Variants in MAP3K9 observed in about 807,000 individuals in gnomAD.
MAP3K9 encodes the protein mitogen-activated protein kinase kinase kinase 9.
Under a neutral mutation model 95.8 loss-of-function variants are expected in MAP3K9, and 46 were observed. The observed-to-expected ratio is 0.48, with a 90% CI of 0.38 to 0.61. The LOEUF is 0.61. Ranked by LOEUF, MAP3K9 falls within the 20% of genes least tolerant of loss-of-function variation. The pLI is 0.00. For synonymous variants in MAP3K9, 533 were observed against 593.8 expected, an observed-to-expected ratio of 0.90 and a Z score of 1.49; for missense variants, 1,296 against 1,474.3, an observed-to-expected ratio of 0.88 and a Z score of 1.98.
chr14:70,733,480 G>C, intron 10 of MAP3K9, 138 bp from the exon 11 acceptor site: 1 of 606,026 alleles, frequency 1.7e-6, no homozygotes, highest in Non-Finnish European at 3.0e-6. Flanking sequence ...TGATGAGCAG[G>C]ACATGGAATT....
rs117102448 is a variant in MAP3K9 at position 70,734,642 on chromosome 14, C to A, written c.1914-144G>T. The A allele has an allele frequency of 2.6e-4, 156 of 607,038 alleles. 1 individual carries two copies. The East Asian group carries it at 4.1e-3, about 16-fold the overall frequency. 37.6% of individuals were successfully genotyped at this position (607,038 alleles called of 1,614,324 possible). A position where few individuals can be genotyped will look rare whatever the true frequency, so the allele number is the denominator to read the frequency against. ...GAGTACATACAGGCAATGACTCTTA[C>A]CAAGCCCACCTGCTTCACAAACAGA... On this transcript the variant is annotated intron_variant, in intron 9 of 11. Transcript: ENST00000554752.
intron 2 of MAP3K9, among the ~76,000 whole-genome samples, chr14:70,768,001 C>A (rs189389287): frequency 6.6e-6 from 1 of 152,168 alleles, no homozygotes; most frequent in Non-Finnish European, 1.5e-5. Context: ...CCAATTAGGA[C>A]ACCACCTATA....
chr14:70,792,457 C>T (rs1317049006), intron 2 of MAP3K9, among the ~76,000 whole-genome samples: 1 of 152,228 alleles, frequency 6.6e-6, no homozygotes, highest in East Asian at 1.9e-4. Context: ...AAGTCATTTA[C>T]TTACCTCTCA....
chr14:70,783,626 A>T (rs994118235), intron 2 of MAP3K9, among the ~76,000 whole-genome samples: 3 of 152,272 alleles, frequency 2.0e-5, no homozygotes, highest in African/African-American at 7.2e-5. Flanking sequence ...TTGGAGCTTC[A>T]AGGAATGAAC....
At chr14:70,799,100 A>T (rs2054899539) in intron 2 of MAP3K9, among the ~76,000 whole-genome samples, 2 of 152,310 alleles carry the variant, frequency 1.3e-5, no homozygotes, top group South Asian at 4.1e-4. Context: ...TCTAAAGGGA[A>T]ACATTATAGG....
At chr14:70,765,343 T>C (rs1358721888) in intron 2 of MAP3K9, 9 of 435,028 alleles carry the variant, frequency 2.1e-5, no homozygotes, top group Non-Finnish European at 3.7e-5. Context: ...AAAAGTTTTC[T>C]TTATAAATTT....
At chr14:70,730,958 C>G in intron 11 of MAP3K9, 94 bp from the exon 12 acceptor site, 1 of 1,318,880 alleles carries the variant, frequency 7.6e-7, no homozygotes, top group African/African-American at 1.4e-5. Context: ...CATATCCCTA[C>G]GCAATCAGGA....
At chr14:70,776,820 A>G (rs2054605227) in intron 2 of MAP3K9, among the ~76,000 whole-genome samples, 1 of 132,954 alleles carries the variant, frequency 7.5e-6, no homozygotes, top group African/African-American at 2.9e-5. Context: ...ACCCTGAACT[A>G]AAAGATCTCT....
At chr14:70,807,603 G>C (rs2055004148) in intron 1 of MAP3K9, among the ~76,000 whole-genome samples, 4 of 152,272 alleles carry the variant, frequency 2.6e-5, no homozygotes, top group Admixed American at 2.6e-4. Context: ...TTTAAAGTTG[G>C]TCCTTGCTAA....
intron 9 of MAP3K9, 30 bp from the exon 10 acceptor site, chr14:70,734,528 G>T: frequency 7.6e-7 from 1 of 1,309,118 alleles, no homozygotes; most frequent in Non-Finnish European, 1.1e-6. Context: ...GAAACTGTCA[G>T]AACTGGTTAC....
chr14:70,806,862 T>C (rs1335341748), intron 1 of MAP3K9, among the ~76,000 whole-genome samples: 1 of 152,194 alleles, frequency 6.6e-6, no homozygotes, highest in Non-Finnish European at 1.5e-5. Flanking sequence ...AATGACACTG[T>C]TTTCTAACAT....
intron 2 of MAP3K9, among the ~76,000 whole-genome samples, chr14:70,779,929 G>A (rs148235491): frequency 5.9e-5 from 9 of 152,352 alleles, no homozygotes; most frequent in African/African-American, 1.7e-4. Flanking sequence ...TAAGAATGAC[G>A]TCAGAGGAGA....
At chr14:70,740,195 A>G in intron 6 of MAP3K9, 31 bp from the exon 7 acceptor site, 1 of 1,594,476 alleles carries the variant, frequency 6.3e-7, no homozygotes, top group Non-Finnish European at 8.6e-7. Flanking sequence ...ACGTGTATGC[A>G]TTAACATTTC....
Position 70,789,478 on chromosome 14 carries a change from C to T in MAP3K9, c.820+11189G>A, listed in dbSNP as rs567557104. ...CAGTGCCATTTACTGAATGCAGTGC[C>T]TGTGTGATACTGACACATAATAGCT... is the stretch of plus-strand genomic sequence containing the variant. On this transcript the variant is annotated intron_variant, in intron 2 of 11. Transcript: ENST00000554752. Among the ~76,000 whole-genome samples the T allele has an allele frequency of 5.3e-5, 8 of 152,286 alleles. No homozygotes were observed. In the South Asian group the frequency reaches 1.7e-3, roughly 32 times the overall value.
rs2054010970 is a variant in MAP3K9 at position 70,738,141 on chromosome 14, A to T, written c.1844+104T>A. On this transcript the variant is annotated intron_variant, in intron 8 of 11. Coordinates refer to ENST00000554752, the MANE Select transcript of MAP3K9 (RefSeq NM_001284230.2). Reference sequence around the variant, plus strand: ...TCAAGAAGCTTGTAATTTCTCAGAAAGCAATCAAACACACGACAGAGAAAA... The same window carrying T: ...TCAAGAAGCTTGTAATTTCTCAGAATGCAATCAAACACACGACAGAGAAAA... 8.2e-6 allele frequency: 10 copies of T among 1,215,226 alleles called. No individual in the cohort carries two copies. The South Asian group carries it at 1.4e-4, about 17-fold the overall frequency. The allele number at this position is 1,215,226 out of a possible 1,614,324, so 75.3% of individuals were successfully genotyped here.
rs528409960 is a variant in MAP3K9, at chr14:70,743,431, A to C, written c.1327-840T>G. Among the ~76,000 whole-genome samples, 9 of 152,258 alleles carry C rather than the reference A, an allele frequency of 5.9e-5. No individual in the cohort carries two copies. In the South Asian group the frequency reaches 1.9e-3, roughly 32 times the overall value. On this transcript the variant is annotated intron_variant, in intron 5 of 11. Transcript: ENST00000554752. The stretch of plus-strand genomic sequence containing the variant: ...ATCAGAGTGAATAGGCAACCTACAG[A>C]ATGGGAGAAAACTTTGCAATCTATC...
At chr14:70,753,726 ACTGC>A (rs1334237885) in intron 3 of MAP3K9, among the ~76,000 whole-genome samples, 2 of 152,180 alleles carry the variant, frequency 1.3e-5, no homozygotes, top group Non-Finnish European at 2.9e-5. Context: ...AAAAGTCCTC[ACTGC>A]CTAACCCAAC....
In MAP3K9 at chr14:70,809,311, G is replaced by A. The variant is rs2055040365; in HGVS notation, c.-140C>T. 3.6e-6 allele frequency: 4 copies of A among 1,095,978 alleles called. No individual in the cohort carries two copies. The highest frequency in any genetic ancestry group is 3.3e-5 in the African/African-American group (2 of 61,438). The allele number at this position is 1,095,978 out of a possible 1,614,324, so 67.9% of individuals were successfully genotyped here. A position where few individuals can be genotyped will look rare whatever the true frequency, so the allele number is the denominator to read the frequency against. ...AGGTAGGGCCCGGGCTGGCAGGGCT[G>A]GGAGAGCCGGCTCGCCGGCGCTGTT... is the stretch of plus-strand genomic sequence containing the variant. On this transcript the variant is annotated 5_prime_UTR_variant, in exon 1 of 12. Coordinates refer to ENST00000554752, the MANE Select transcript of MAP3K9 (RefSeq NM_001284230.2).
intron 2 of MAP3K9, among the ~76,000 whole-genome samples, chr14:70,793,975 T>C (rs1023940756): frequency 1.3e-5 from 2 of 152,202 alleles, no homozygotes; most frequent in Admixed American, 1.3e-4. Flanking sequence ...AATATTCTTC[T>C]ACGAACTACC....
Sources: allele counts gnomAD v4.1 joint callset (sites outside exome capture counted in the v4.1 genomes callset), GRCh38; gene constraint gnomAD v4.1.1; transcripts MANE v1.5; gene names NCBI Gene and HGNC (gene_info 2026-07-23, HGNC 2026-07-21).